The following GLDN variants were observed in gnomAD, a reference collection of about 807,000 sequenced individuals.
GLDN encodes the protein gliomedin.
A neutral mutation model predicts 56.5 loss-of-function variants in GLDN; 47 were observed. That is an observed-to-expected ratio of 0.83 (90% CI 0.66 to 1.06). GLDN has a LOEUF of 1.06. GLDN is among the 50% of genes least tolerant of loss of function. The pLI is 0.00. For synonymous variants in GLDN, 332 were observed against 278.8 expected (o/e 1.19, Z -1.90); for missense variants, 782 against 714.3 (o/e 1.09, Z -1.08).
chr15:51,351,406 G>A (rs151124503), intron 1 of GLDN, among the ~76,000 whole-genome samples: 3 of 152,276 alleles, frequency 2.0e-5, no homozygotes, highest in South Asian at 4.2e-4. Context: ...GGAACTCAGA[G>A]TCACATTAAA....
intron 1 of GLDN, among the ~76,000 whole-genome samples, chr15:51,351,615 G>A (rs904869365): frequency 2.6e-5 from 4 of 152,176 alleles, no homozygotes; most frequent in Non-Finnish European, 5.9e-5. Context: ...AAGCTCTCAT[G>A]CCAGGATCTC....
chr15:51,362,502 A>AAAAG lies in GLDN; in HGVS notation c.364-14938_364-14935dup, dbSNP rs1359677179. Among the ~76,000 whole-genome samples, 45 of 148,362 alleles carry AAAAG rather than the reference A, an allele frequency of 3.0e-4. 2 individuals are homozygous for AAAAG. Among genetic ancestry groups the AAAAG allele is most frequent in the African/African-American group, 7.5e-4 (30 of 39,804 alleles). ...TCTGTCTTAAAAAAAAAAAAAAAAA[A>AAAAG]AAAGAAAGAAAGGATGTCAGAAAGA... On this transcript the variant is annotated intron_variant, in intron 1 of 9. Transcript: ENST00000335449.
intron 1 of GLDN, among the ~76,000 whole-genome samples, chr15:51,359,437 T>C (rs754068269): frequency 1.3e-5 from 2 of 152,250 alleles, no homozygotes; most frequent in Middle Eastern, 3.4e-3. Flanking sequence ...AGGTAAATGA[T>C]AAAATGACAT....
chr15:51,383,071 C>A (rs2141099786), intron 2 of GLDN, among the ~76,000 whole-genome samples: 1 of 152,304 alleles, frequency 6.6e-6, no homozygotes, highest in African/African-American at 2.4e-5. Flanking sequence ...CTCAGCCCCA[C>A]AATGACAGCA....
intron 5 of GLDN, among the ~76,000 whole-genome samples, chr15:51,397,117 C>T (rs1190678591): frequency 6.6e-6 from 1 of 152,060 alleles, no homozygotes; most frequent in African/African-American, 2.4e-5. Flanking sequence ...GTGGAGAGGG[C>T]GTAGGAGGTT....
chr15:51,398,760 C>T (rs2038188546), intron 6 of GLDN, among the ~76,000 whole-genome samples: 1 of 152,206 alleles, frequency 6.6e-6, no homozygotes, highest in African/African-American at 2.4e-5. Flanking sequence ...CAGTGCCTCC[C>T]CAGCCATTAG....
At chr15:51,348,822 C>G (rs1213687002) in intron 1 of GLDN, among the ~76,000 whole-genome samples, 1 of 152,176 alleles carries the variant, frequency 6.6e-6, no homozygotes, top group Non-Finnish European at 1.5e-5. Flanking sequence ...TTGCAGAAGT[C>G]TCATCTCAGA....
In GLDN at chr15:51,341,922, T is replaced by A. The variant is rs955650651; in HGVS notation, c.238T>A (p.Ser80Thr). The A allele has an allele frequency of 1.9e-6, 3 of 1,595,258 alleles. No homozygotes were observed. The highest frequency in any genetic ancestry group is 2.5e-6 in the Non-Finnish European group (3 of 1,178,540). The change falls in exon 1 of 10, where the codon TCC (serine) becomes ACC (threonine). Residue 80 changes from serine to threonine, a missense_variant. Coordinates refer to ENST00000335449, the MANE Select transcript of GLDN (RefSeq NM_181789.4). The part of the protein sequence containing the change: ...AELSRAPRGA[S>T]APPQDPASSA... ...GTTGAGCCGCGCGCCGCGCGGGGCG[T>A]CCGCACCACCCCAAGACCCGGCCAG...
chr15:51,382,717 C>A (rs1240443623), intron 2 of GLDN, among the ~76,000 whole-genome samples: 1 of 146,064 alleles, frequency 6.8e-6, no homozygotes, highest in Admixed American at 6.8e-5. Context: ...CAGAGCAAGA[C>A]TCTGTCTCCA....
chr15:51,376,021 A>G (rs2037622843), intron 1 of GLDN, among the ~76,000 whole-genome samples: 1 of 152,174 alleles, frequency 6.6e-6, no homozygotes, highest in African/African-American at 2.4e-5. Context: ...TCTCTTGATG[A>G]TGTTGATAGA....
intron 4 of GLDN, among the ~76,000 whole-genome samples, chr15:51,385,920 G>C (rs2037880652): frequency 6.6e-6 from 1 of 152,190 alleles, no homozygotes; most frequent in East Asian, 1.9e-4. Flanking sequence ...TGTACTCAGA[G>C]AAAAACGGGG....
chr15:51,394,329 C>A (rs2038078872), intron 4 of GLDN, among the ~76,000 whole-genome samples: 2 of 152,138 alleles, frequency 1.3e-5, no homozygotes, highest in South Asian at 4.1e-4. Context: ...AATAATCCAG[C>A]AGGCCGGGAG....
At chr15:51,352,307 A>G (rs1190716641) in intron 1 of GLDN, among the ~76,000 whole-genome samples, 1 of 152,072 alleles carries the variant, frequency 6.6e-6, no homozygotes, top group African/African-American at 2.4e-5. Context: ...CATTAATCCT[A>G]TTTATGTAGG....
At chr15:51,401,801 T>A in intron 9 of GLDN, 58 bp downstream of exon 9, 3 of 1,520,134 alleles carry the variant, frequency 2.0e-6, no homozygotes, top group Non-Finnish European at 2.7e-6. Context: ...GCTGTGGTGC[T>A]TTTGTGAGCA....
At chr15:51,394,763 C>A in intron 4 of GLDN, 72 bp from the exon 5 acceptor site, 2 of 1,520,038 alleles carry the variant, frequency 1.3e-6, no homozygotes, top group South Asian at 1.2e-5. Flanking sequence ...AAGCACAAAG[C>A]ACAGTAATAT....
rs1250465635 is a variant in GLDN at position 51,407,933 on chromosome 15, G to C, written c.*3179G>C. 2 of 152,144 alleles carry C rather than the reference G, an allele frequency of 1.3e-5. No homozygotes were observed. The highest frequency in any genetic ancestry group is 3.8e-4 in the East Asian group (2 of 5,198). The allele number at this position is 152,144 out of a possible 1,614,324, so 9.4% of individuals were successfully genotyped here. On this transcript the variant is annotated 3_prime_UTR_variant, in exon 10 of 10. Coordinates refer to ENST00000335449, the MANE Select transcript of GLDN (RefSeq NM_181789.4). Reference sequence around the variant, plus strand: ...CCTGCACAGATCCTGAACAACAAATGAATAACGATGAATGTCTTTTTGGTT... The same window carrying C: ...CCTGCACAGATCCTGAACAACAAATCAATAACGATGAATGTCTTTTTGGTT...
chr15:51,353,719 A>G (rs2050123847), intron 1 of GLDN, among the ~76,000 whole-genome samples: 1 of 145,630 alleles, frequency 6.9e-6, no homozygotes, highest in Non-Finnish European at 1.5e-5. Flanking sequence ...TTGATTAAAA[A>G]AAAAAAAAAA....
At chr15:51,379,400 G>A (rs370009753) in intron 2 of GLDN, among the ~76,000 whole-genome samples, 8 of 152,190 alleles carry the variant, frequency 5.3e-5, no homozygotes, top group Non-Finnish European at 8.8e-5. Context: ...ACTGAACTGC[G>A]TATTGGGGCA....
chr15:51,388,501 T>A (rs1043794101), intron 4 of GLDN, among the ~76,000 whole-genome samples: 1 of 152,152 alleles, frequency 6.6e-6, no homozygotes, highest in African/African-American at 2.4e-5. Flanking sequence ...TATTTGCTGT[T>A]GTGCTGATGG....
Sources: gnomAD v4.1 joint callset for allele counts (sites outside exome capture counted in the v4.1 genomes callset) on GRCh38, gnomAD v4.1.1 for gene constraint, MANE v1.5 for transcripts, NCBI Gene and HGNC (gene_info 2026-07-23, HGNC 2026-07-21) for gene names.